FANK1: variants seen among roughly 807,000 people sequenced by gnomAD.
FANK1 encodes fibronectin type III and ankyrin repeat domains 1.
In FANK1, 44 loss-of-function variants were observed where a neutral mutation model predicts 45.3. The observed-to-expected ratio is 0.97, with a 90% confidence interval of 0.76 to 1.25. The LOEUF (loss-of-function observed/expected upper bound fraction) is 1.25. Ranked by LOEUF, FANK1 falls within the 50% of genes most tolerant of loss-of-function variation. The probability of loss-of-function intolerance (pLI) is 0.00; values close to 1 mark genes in which losing one functional copy is unlikely to be tolerated. For missense variants in FANK1, 391 were observed against 424.4 expected, an observed-to-expected ratio of 0.92 and a Z score of 0.69; for synonymous variants, 149 against 152.5, an observed-to-expected ratio of 0.98 and a Z score of 0.17.
chr10:125,977,971 G>C (rs1224831827), intron 1 of FANK1, among the ~76,000 whole-genome samples: 2 of 152,180 alleles, frequency 1.3e-5, no homozygotes, highest in Non-Finnish European at 2.9e-5. Flanking sequence ...TCGGGGAGTT[G>C]CTGAGTTGGT....
At chr10:125,914,367 C>T (rs1946281484) in intron 1 of FANK1, among the ~76,000 whole-genome samples, 1 of 151,492 alleles carries the variant, frequency 6.6e-6, no homozygotes, top group African/African-American at 2.4e-5. Context: ...TTCATGAGGA[C>T]AGGAACCAGC....
At chr10:126,002,313 A>G (rs1272258709) in intron 6 of FANK1, among the ~76,000 whole-genome samples, 2 of 150,542 alleles carry the variant, frequency 1.3e-5, no homozygotes, top group East Asian at 3.9e-4. Flanking sequence ...CTCTGTCTCA[A>G]AAAAAACAAA....
chr10:126,009,422 A>G lies in FANK1; in HGVS notation c.1022A>G (p.Lys341Arg). The change falls in exon 11 of 11, where the codon AAG becomes AGG. Residue 341 changes from lysine to arginine, a missense_variant. Lys to Arg is a conservative substitution (Grantham distance 26). Coordinates refer to ENST00000368693, the MANE Select transcript of FANK1 (RefSeq NM_145235.5). ...EERKKKQRPK[K>R]SCVC ...AGGAAAAAAAAGCAGAGGCCAAAGAAGTCTTGTGTCTGCTGATGAGAGCAC... is the reference window on the plus strand; with the variant it reads ...AGGAAAAAAAAGCAGAGGCCAAAGAGGTCTTGTGTCTGCTGATGAGAGCAC... 6.2e-7 allele frequency: 1 copy of G among 1,614,160 alleles called. No homozygotes were observed. Among genetic ancestry groups the G allele is most frequent in the Non-Finnish European group, 8.5e-7 (1 of 1,180,032 alleles).
chr10:125,908,528 C>T (rs1945726329), intron 1 of FANK1, among the ~76,000 whole-genome samples: 1 of 152,042 alleles, frequency 6.6e-6, no homozygotes, highest in African/African-American at 2.4e-5. Context: ...TATGTTCTCA[C>T]TCATAGGTGG....
At chr10:125,907,362 A>G in intron 1 of FANK1, 1 of 368,526 alleles carries the variant, frequency 2.7e-6, no homozygotes, top group Non-Finnish European at 3.8e-6. Flanking sequence ...AAACAACAAC[A>G]AGTATTTATT....
chr10:125,978,001 CG>C (rs1301521232), intron 1 of FANK1, among the ~76,000 whole-genome samples: 1 of 152,072 alleles, frequency 6.6e-6, no homozygotes, highest in African/African-American at 2.4e-5. Context: ...ACAGCTCTGG[CG>C]GGGGTGGCTG....
chr10:125,933,043 A>G (rs990068527), intron 1 of FANK1, among the ~76,000 whole-genome samples: 6 of 152,186 alleles, frequency 3.9e-5, no homozygotes, highest in Admixed American at 6.5e-5. Context: ...CATCCCTGGT[A>G]TGAAATCCAT....
chr10:125,914,877 T>C (rs1423071651), intron 1 of FANK1, among the ~76,000 whole-genome samples: 2 of 151,810 alleles, frequency 1.3e-5, no homozygotes, highest in African/African-American at 4.8e-5. Flanking sequence ...GCGGAGGGGA[T>C]GACTTAGGTG....
intron 1 of FANK1, among the ~76,000 whole-genome samples, chr10:125,938,506 G>A (rs188152345): frequency 2.6e-4 from 40 of 152,276 alleles, no homozygotes; most frequent in African/African-American, 9.1e-4. Context: ...GCAAAGAGGT[G>A]CTTTAAACAT....
intron 6 of FANK1, among the ~76,000 whole-genome samples, chr10:126,001,311 A>G (rs962766016): frequency 6.6e-6 from 1 of 152,202 alleles, no homozygotes; most frequent in Admixed American, 6.5e-5. Flanking sequence ...TAGTATGCCA[A>G]TGCTGTTTTC....
chr10:125,912,443 AGTGTGTGTGTGTGTGTGTGTGTGTGT>A (rs60956003), intron 1 of FANK1, among the ~76,000 whole-genome samples: 19 of 147,300 alleles, frequency 1.3e-4, no homozygotes, highest in Admixed American at 2.8e-4. Flanking sequence ...GCACCACCAA[AGTGTGTGTGTGTGTGTGTGTGTGTGT>A]GTGTGTGTGT....
chr10:125,961,490 T>G (rs893221890), intron 1 of FANK1, among the ~76,000 whole-genome samples: 3 of 152,080 alleles, frequency 2.0e-5, no homozygotes, highest in African/African-American at 7.2e-5. Flanking sequence ...CTGGGAAAAC[T>G]AGATATCCAT....
rs750890907 is a variant in FANK1 at position 126,005,052 on chromosome 10, A to G, written c.705+3A>G. ...GGATGATAAAGGATGGCTGTGAGGT[A>G]CGGGACCTGCCTTGTTAACCACGCA... On this transcript the variant is annotated splice_donor_region_variant and intron_variant, in intron 7 of 10. Coordinates refer to ENST00000368693, the MANE Select transcript of FANK1 (RefSeq NM_145235.5). 8 of 1,611,720 alleles carry G rather than the reference A, an allele frequency of 5.0e-6. No individual in the cohort carries two copies. The South Asian group carries it at 5.5e-5, about 11-fold the overall frequency.
chr10:125,965,699 C>T (rs189050563), intron 1 of FANK1, among the ~76,000 whole-genome samples: 19 of 152,310 alleles, frequency 1.2e-4, no homozygotes, highest in Admixed American at 6.5e-4. Context: ...AGGTTGAATC[C>T]GTTGTTGACC....
chr10:125,913,271 TAAACGCTGCATGACACCC>T (rs1376826280), intron 1 of FANK1, among the ~76,000 whole-genome samples: 7 of 152,140 alleles, frequency 4.6e-5, no homozygotes, highest in Non-Finnish European at 7.3e-5. Context: ...GCATGACACC[TAAACGCTGCATGACACCC>T]AAACTCATTC....
In FANK1 at chr10:125,995,500, T is replaced by C. The variant is rs1590212893; in HGVS notation, c.398+2T>C. ...GCTGGTCCGAATACTTCAAGGAGGG[T>C]GAGAGAACTCTGTCAGTTGTTTTTT... is the stretch of plus-strand genomic sequence containing the variant. On this transcript the variant is annotated splice_donor_variant, in intron 4 of 10. Coordinates refer to ENST00000368693, the MANE Select transcript of FANK1 (RefSeq NM_145235.5). LOFTEE classifies it high-confidence loss of function. The C allele has an allele frequency of 6.2e-7, 1 of 1,614,004 alleles. No individual in the cohort carries two copies. Among genetic ancestry groups the C allele is most frequent in the African/African-American group, 1.3e-5 (1 of 75,020 alleles).
At chr10:125,934,780 G>C (rs960740834) in intron 1 of FANK1, among the ~76,000 whole-genome samples, 1 of 121,630 alleles carries the variant, frequency 8.2e-6, no homozygotes, top group Non-Finnish European at 1.6e-5. Flanking sequence ...CGAAGAGAAA[G>C]ACAGTTGGAA....
In FANK1 at chr10:125,923,334, G is replaced by A. The variant is rs577392603; in HGVS notation, c.13+26679G>A. 1.3e-3 allele frequency among the ~76,000 whole-genome samples: 200 copies of A among 151,728 alleles called. 2 individuals carry two copies. Among genetic ancestry groups the A allele is most frequent in the Middle Eastern group, 3.4e-3 (1 of 294 alleles). On this transcript the variant is annotated intron_variant, in intron 1 of 10. Transcript: ENST00000368693. Reference sequence around the variant, plus strand: ...AAATTAGCTTGGTGTGGTGGTGGGTGCCTGTAGTGTGAGCTACTTGGGAGG... The same window carrying A: ...AAATTAGCTTGGTGTGGTGGTGGGTACCTGTAGTGTGAGCTACTTGGGAGG...
chr10:125,975,220 C>T (rs1377543888), intron 1 of FANK1, among the ~76,000 whole-genome samples: 1 of 152,162 alleles, frequency 6.6e-6, no homozygotes, highest in Non-Finnish European at 1.5e-5. Context: ...TGTATATGTA[C>T]CACATTTTCT....
Sources: gnomAD v4.1 joint callset for allele counts (sites outside exome capture counted in the v4.1 genomes callset) on GRCh38, gnomAD v4.1.1 for gene constraint, MANE v1.5 for transcripts, NCBI Gene and HGNC (gene_info 2026-07-23, HGNC 2026-07-21) for gene names.